NDUFAF2: variants seen among roughly 807,000 people sequenced by gnomAD.
NDUFAF2 encodes the protein NADH dehydrogenase [ubiquinone] 1 alpha subcomplex assembly factor 2.
A neutral mutation model predicts 22.8 loss-of-function variants in NDUFAF2; 13 were observed. The ratio of observed to expected loss-of-function variants is 0.57; its 90% CI spans 0.37 to 0.91. The LOEUF is 0.91. NDUFAF2 is among the 40% of genes least tolerant of loss of function. The pLI, the probability that NDUFAF2 is intolerant of heterozygous loss-of-function variation, is 0.01. For synonymous variants in NDUFAF2, 53 were observed against 64.2 expected (o/e 0.83, Z 0.84); for missense variants, 162 against 195.2 (o/e 0.83, Z 1.01).
intron 1 of NDUFAF2, among the ~76,000 whole-genome samples, chr5:60,953,659 A>G (rs369937466): frequency 6.6e-6 from 1 of 152,320 alleles, no homozygotes; most frequent in African/African-American, 2.4e-5. Flanking sequence ...TACTGCAGTC[A>G]TAGTGAGTAA....
At chr5:61,107,133 C>T (rs1268820344) in intron 3 of NDUFAF2, among the ~76,000 whole-genome samples, 1 of 145,904 alleles carries the variant, frequency 6.9e-6, no homozygotes. Context: ...ATGGTAGTTC[C>T]ATTTTTAGTT....
At chr5:60,964,313 A>G (rs1750726691) in intron 1 of NDUFAF2, among the ~76,000 whole-genome samples, 1 of 152,110 alleles carries the variant, frequency 6.6e-6, no homozygotes, top group African/African-American at 2.4e-5. Flanking sequence ...TATATTTATG[A>G]TGTATAGCAT....
At chr5:61,090,742 A>C (rs577824430) in intron 2 of NDUFAF2, among the ~76,000 whole-genome samples, 43 of 152,084 alleles carry the variant, frequency 2.8e-4, no homozygotes, top group Non-Finnish European at 5.0e-4. Flanking sequence ...ACATAAGTAA[A>C]TGTGTGTCTG....
rs182127443 is a variant in NDUFAF2 at position 61,108,749 on chromosome 5, T to C, written c.258+9717T>C. On this transcript the variant is annotated intron_variant, in intron 3 of 3. Coordinates refer to ENST00000296597, the MANE Select transcript of NDUFAF2 (RefSeq NM_174889.5). ...CCCTAATATATGTTCTTGATACCTTTGTTGAAATTGAGTTCACTGTAGATG... is the reference window on the plus strand; with the variant it reads ...CCCTAATATATGTTCTTGATACCTTCGTTGAAATTGAGTTCACTGTAGATG... Among the ~76,000 whole-genome samples, 21 of 152,352 alleles carry C rather than the reference T, an allele frequency of 1.4e-4. No individual in the cohort carries two copies. The East Asian group carries it at 4.0e-3, about 29-fold the overall frequency.
chr5:61,044,449 G>A (rs763808103), intron 1 of NDUFAF2, among the ~76,000 whole-genome samples: 3 of 151,970 alleles, frequency 2.0e-5, no homozygotes, highest in Non-Finnish European at 2.9e-5. Context: ...GCTTTTTCTT[G>A]TTGTTTGCCT....
intron 1 of NDUFAF2, among the ~76,000 whole-genome samples, chr5:61,061,571 G>T (rs1053605868): frequency 1.3e-5 from 2 of 152,104 alleles, no homozygotes; most frequent in Admixed American, 1.3e-4. Flanking sequence ...AGCCCCTTGG[G>T]CCCAGGATGA....
chr5:61,133,767 A>C (rs1753140811), intron 3 of NDUFAF2, among the ~76,000 whole-genome samples: 2 of 152,224 alleles, frequency 1.3e-5, no homozygotes, highest in South Asian at 4.1e-4. Context: ...ACAGAGCCAC[A>C]TTCATTCATT....
intron 3 of NDUFAF2, among the ~76,000 whole-genome samples, chr5:61,136,063 T>C (rs1192787246): frequency 7.8e-6 from 1 of 128,754 alleles, no homozygotes; most frequent in Non-Finnish European, 1.6e-5. Flanking sequence ...TTGCTTTTTT[T>C]CTCACCAGTA....
intron 3 of NDUFAF2, among the ~76,000 whole-genome samples, chr5:61,148,902 A>G (rs969302481): frequency 1.1e-4 from 16 of 152,238 alleles, no homozygotes; most frequent in South Asian, 2.1e-4. Flanking sequence ...AAACTTTTCA[A>G]TCTTTAAGGG....
chr5:61,072,893 C>T (rs752111167), intron 1 of NDUFAF2, among the ~76,000 whole-genome samples: 11 of 152,150 alleles, frequency 7.2e-5, no homozygotes, highest in Non-Finnish European at 1.5e-4. Context: ...TGAGCCACTG[C>T]GGCTGGCCTA....
Position 60,993,721 on chromosome 5 carries a change from C to T in NDUFAF2, c.127+48339C>T, listed in dbSNP as rs546631093. On this transcript the variant is annotated intron_variant, in intron 1 of 3. Transcript: ENST00000296597. ...ATAGCTCCTCTCTGCAGCTGATCAC[C>T]CCGATGTCTGTAGCTCTCAGCAGAG... Among the ~76,000 whole-genome samples, 3 of 152,222 alleles carry T rather than the reference C, an allele frequency of 2.0e-5. No individual in the cohort carries two copies. In the East Asian group the frequency reaches 5.8e-4, roughly 29 times the overall value.
intron 1 of NDUFAF2, among the ~76,000 whole-genome samples, chr5:60,998,373 T>A (rs986866503): frequency 6.6e-6 from 1 of 152,142 alleles, no homozygotes. Flanking sequence ...AACCTCCAAA[T>A]AAATTGTTGT....
intron 3 of NDUFAF2, among the ~76,000 whole-genome samples, chr5:61,099,780 C>A (rs1752684571): frequency 6.6e-6 from 1 of 152,050 alleles, no homozygotes; most frequent in Non-Finnish European, 1.5e-5. Context: ...TAGAGGCATT[C>A]CCTTTCTTCT....
At chr5:61,052,758 C>T (rs533734823) in intron 1 of NDUFAF2, among the ~76,000 whole-genome samples, 4 of 152,234 alleles carry the variant, frequency 2.6e-5, no homozygotes, top group Non-Finnish European at 4.4e-5. Context: ...ATTATAATAA[C>T]ACTGAATTAT....
At chr5:61,020,545 TTATGTG>T (rs1561543562) in intron 1 of NDUFAF2, among the ~76,000 whole-genome samples, 1 of 114,236 alleles carries the variant, frequency 8.8e-6, no homozygotes, top group African/African-American at 3.3e-5. Context: ...GTGGGTTTTG[TTATGTG>T]TGTGTGTGTG....
intron 1 of NDUFAF2, among the ~76,000 whole-genome samples, chr5:61,016,554 A>G (rs1209009805): frequency 6.6e-6 from 1 of 152,044 alleles, no homozygotes; most frequent in African/African-American, 2.4e-5. Context: ...TTCTTTTTTC[A>G]CTAATTTTGC....
At chr5:60,948,364 C>T (rs745655573) in intron 1 of NDUFAF2, among the ~76,000 whole-genome samples, 5 of 152,034 alleles carry the variant, frequency 3.3e-5, no homozygotes, top group African/African-American at 4.8e-5. Flanking sequence ...AGATGTGTGC[C>T]ACCCTGCCCA....
chr5:61,020,456 G>A (rs1364103231), intron 1 of NDUFAF2, among the ~76,000 whole-genome samples: 1 of 151,960 alleles, frequency 6.6e-6, no homozygotes, highest in Non-Finnish European at 1.5e-5. Context: ...ATACATTTAT[G>A]CTAGGCTTCT....
intron 1 of NDUFAF2, among the ~76,000 whole-genome samples, chr5:61,032,077 GT>G (rs531436467): frequency 1.3e-5 from 2 of 151,946 alleles, no homozygotes; most frequent in African/African-American, 4.8e-5. Flanking sequence ...TGAGGTTTTT[GT>G]TTTTTTCTTG....
Sources: gnomAD v4.1 joint callset for allele counts (sites outside exome capture counted in the v4.1 genomes callset) on GRCh38, gnomAD v4.1.1 for gene constraint, MANE v1.5 for transcripts, NCBI Gene and HGNC (gene_info 2026-07-23, HGNC 2026-07-21) for gene names.